The following DPY19L4 variants were observed in gnomAD, a reference collection of about 807,000 sequenced individuals.
DPY19L4 encodes the protein dpy-19 like 4, also known as probable C-mannosyltransferase DPY19L4.
Under a neutral mutation model 102.8 loss-of-function variants are expected in DPY19L4, and 97 were observed. That is an observed-to-expected ratio of 0.94 (90% CI 0.80 to 1.12). The LOEUF is 1.12. Among genes scored for constraint, DPY19L4 ranks in the 50% most tolerant of loss-of-function variants. DPY19L4 has a pLI of 0.00. For synonymous variants in DPY19L4, 252 were observed against 283.1 expected, an observed-to-expected ratio of 0.89 and a Z score of 1.10; for missense variants, 815 against 850.4, an observed-to-expected ratio of 0.96 and a Z score of 0.52.
In DPY19L4 at chr8:94,766,672, C is replaced by A; in HGVS notation, c.1162C>A (p.Leu388Ile). ...GAAATTCCTTGAAGTAAAATTTGGA[C>A]TAAATATGACCAAGTAAGTTTTAGA... ...MLKFLEVKFG[L>I]NMTKNFTMNW... The change falls in exon 11 of 19, where the codon CTA (leucine) becomes ATA (isoleucine). Residue 388 changes from leucine to isoleucine, a missense_variant. Leu to Ile is a conservative substitution (Grantham distance 5). Coordinates refer to ENST00000414645, the MANE Select transcript of DPY19L4 (RefSeq NM_181787.3). 6.2e-7 allele frequency: 1 copy of A among 1,613,302 alleles called. No individual in the cohort carries two copies. The highest frequency in any genetic ancestry group is 8.5e-7 in the Non-Finnish European group (1 of 1,179,554).
chr8:94,743,488 A>AG (rs939202423), intron 6 of DPY19L4, among the ~76,000 whole-genome samples: 9 of 151,816 alleles, frequency 5.9e-5, no homozygotes, highest in African/African-American at 2.2e-4. Flanking sequence ...TTAAAAAAAA[A>AG]AAAAAAATAG....
chr8:94,784,431 A>G (rs13259064), intron 17 of DPY19L4, among the ~76,000 whole-genome samples: 100,201 of 151,658 alleles, frequency 0.66, 33,167 homozygotes, highest in East Asian at 0.79. Flanking sequence ...TTTTTATTGT[A>G]TTTATTTATT....
rs1586422066 is a variant in DPY19L4, at chr8:94,781,144, G to A, written c.1693G>A (p.Val565Met). The A allele has an allele frequency of 1.9e-6, 3 of 1,592,690 alleles. No homozygotes were observed. Among genetic ancestry groups the A allele is most frequent in the Non-Finnish European group, 2.6e-6 (3 of 1,174,330 alleles). Residue 565 changes from valine to methionine, a missense_variant, in exon 16 of 19, where the codon GTG becomes ATG. By Grantham distance (21) the Val-to-Met change is conservative (BLOSUM62 1). Coordinates refer to ENST00000414645, the MANE Select transcript of DPY19L4 (RefSeq NM_181787.3). ...ELQEFYDPDT[V>M]ELMTWIKRQA... is the part of the protein sequence containing the mutation. Reference sequence around the variant, plus strand: ...ACAGGAATTCTATGACCCAGATACAGTGGAACTTATGACCTGGATAAAGTA... The same window carrying A: ...ACAGGAATTCTATGACCCAGATACAATGGAACTTATGACCTGGATAAAGTA...
At chr8:94,723,939 T>C (rs1327929514) in intron 1 of DPY19L4, among the ~76,000 whole-genome samples, 1 of 152,222 alleles carries the variant, frequency 6.6e-6, no homozygotes, top group Non-Finnish European at 1.5e-5. Flanking sequence ...GTATACTTCA[T>C]AAATTACTTG....
chr8:94,790,173 T>A lies in DPY19L4; in HGVS notation c.*263T>A. ...GTTACATGGTCTTTAACACTTTTACTGATTGCAATATTTTCCCCATAAAAT... is the reference window on the plus strand; with the variant it reads ...GTTACATGGTCTTTAACACTTTTACAGATTGCAATATTTTCCCCATAAAAT... On this transcript the variant is annotated 3_prime_UTR_variant, in exon 19 of 19. Transcript: ENST00000414645. 1 of 249,718 alleles carries A rather than the reference T, an allele frequency of 4.0e-6. No homozygotes were observed. The highest frequency in any genetic ancestry group is 7.5e-6 in the Non-Finnish European group (1 of 132,630). 15.5% of individuals were successfully genotyped at this position (249,718 alleles called of 1,614,324 possible).
chr8:94,730,578 T>G (rs944205926), intron 2 of DPY19L4, among the ~76,000 whole-genome samples: 1 of 151,350 alleles, frequency 6.6e-6, no homozygotes, highest in Admixed American at 6.6e-5. Context: ...AAACTCCATC[T>G]GTACTCAAAA....
At chr8:94,744,205 A>G (rs1811569790) in intron 6 of DPY19L4, 2 of 381,220 alleles carry the variant, frequency 5.2e-6, no homozygotes, top group Non-Finnish European at 1.0e-5. Context: ...GTTGGCTTGT[A>G]CTGTGTCGTC....
rs1415585073 is a variant in DPY19L4 at position 94,770,560 on chromosome 8, G to A, written c.1443G>A (p.Met481Ile). The change falls in exon 13 of 19, where the codon ATG becomes ATA. Residue 481 changes from methionine (M) to isoleucine (I), a missense_variant. Coordinates refer to ENST00000414645, the MANE Select transcript of DPY19L4 (RefSeq NM_181787.3). The part of the protein sequence containing the change: ...IHTILLGSLA[M>I]VIEGLKYIWI... ...CTATTTTATTGGGTTCTCTTGCAAT[G>A]GTTATAGAAGGGTAAGTGTACTTTA... The A allele has an allele frequency of 1.2e-6, 2 of 1,612,812 alleles. No homozygotes were observed. The highest frequency in any genetic ancestry group is 1.7e-5 in the Admixed American group (1 of 59,702).
Position 94,770,349 on chromosome 8 carries a change from A to G in DPY19L4, c.1335-103A>G, listed in dbSNP as rs1014387789. 15 of 1,251,338 alleles carry G rather than the reference A, an allele frequency of 1.2e-5. No homozygotes were observed. In the African/African-American group the frequency reaches 2.2e-4, roughly 18 times the overall value. The allele number at this position is 1,251,338 out of a possible 1,614,324, so 77.5% of individuals were successfully genotyped here. A position where few individuals can be genotyped will look rare whatever the true frequency, so the allele number is the denominator to read the frequency against. On this transcript the variant is annotated intron_variant, in intron 12 of 18. Transcript: ENST00000414645. ...CACCTATATTTTTTGTTATGACGAAATATAAAATTTTAGGTATGTCCTTCA... is the reference window on the plus strand; with the variant it reads ...CACCTATATTTTTTGTTATGACGAAGTATAAAATTTTAGGTATGTCCTTCA...
At chr8:94,734,173 C>CT (rs1412505601) in intron 2 of DPY19L4, among the ~76,000 whole-genome samples, 1 of 151,316 alleles carries the variant, frequency 6.6e-6, no homozygotes, top group African/African-American at 2.4e-5. Context: ...ATTCTTGTGC[C>CT]TCAGCCTCCC....
intron 13 of DPY19L4, among the ~76,000 whole-genome samples, chr8:94,774,644 C>A (rs958840786): frequency 6.8e-6 from 1 of 146,296 alleles, no homozygotes; most frequent in African/African-American, 2.5e-5. Context: ...ATGCTGTGAT[C>A]TTGGCTCACC....
At position 94,790,111 on chromosome 8, in the gene DPY19L4, C is replaced by T; in HGVS notation, c.*201C>T. 2.1e-6 allele frequency: 1 copy of T among 466,948 alleles called. No homozygotes were observed. Among genetic ancestry groups the T allele is most frequent in the Non-Finnish European group, 3.7e-6 (1 of 268,658 alleles). The allele number at this position is 466,948 out of a possible 1,614,324, so 28.9% of individuals were successfully genotyped here. A position where few individuals can be genotyped will look rare whatever the true frequency, so the allele number is the denominator to read the frequency against. ...GTCCTTTGATTAAATGTGATATCTA[C>T]CACTCTGCAATATTCCAGACAGGTG... On this transcript the variant is annotated 3_prime_UTR_variant, in exon 19 of 19. Transcript: ENST00000414645.
intron 6 of DPY19L4, chr8:94,744,250 A>G (rs1211312661): frequency 4.8e-6 from 2 of 419,834 alleles, no homozygotes; most frequent in Non-Finnish European, 9.4e-6. Context: ...TCTGCTTCCA[A>G]GCTCACTCAT....
chr8:94,755,784 C>G (rs1291317486), intron 6 of DPY19L4, among the ~76,000 whole-genome samples: 1 of 152,052 alleles, frequency 6.6e-6, no homozygotes, highest in African/African-American at 2.4e-5. Flanking sequence ...ACGCAGGAGG[C>G]TGAGGCAGGA....
At chr8:94,768,055 C>T (rs1006175099) in intron 11 of DPY19L4, among the ~76,000 whole-genome samples, 1 of 152,070 alleles carries the variant, frequency 6.6e-6, no homozygotes, top group Non-Finnish European at 1.5e-5. Context: ...TTCAACAATG[C>T]ATTTGTAGAG....
At chr8:94,761,592 G>T in intron 7 of DPY19L4, 108 bp from the exon 8 acceptor site, 8 of 972,218 alleles carry the variant, frequency 8.2e-6, no homozygotes, top group Non-Finnish European at 9.6e-6. Context: ...TAATTATATA[G>T]CTTAAAGTTG....
chr8:94,765,134 T>TATG, intron 8 of DPY19L4, 49 bp from the exon 9 acceptor site: 1 of 1,250,066 alleles, frequency 8.0e-7, no homozygotes, highest in Non-Finnish European at 1.1e-6. Flanking sequence ...TGAAAATATG[T>TATG]ATGATAAAAT....
At position 94,719,917 on chromosome 8, in the gene DPY19L4, G is replaced by A. The variant is rs978402259; in HGVS notation, c.-82G>A. The stretch of plus-strand genomic sequence containing the variant: ...CGGCGGCCAGGAGCGGGCCCCCGGA[G>A]GCCGAGGGGTTCGGCGACGCGGAGG... On this transcript the variant is annotated 5_prime_UTR_variant, in exon 1 of 19. Transcript: ENST00000414645. 4.2e-6 allele frequency: 6 copies of A among 1,422,840 alleles called. No individual in the cohort carries two copies. The African/African-American group carries it at 7.5e-5, about 18-fold the overall frequency. The allele number at this position is 1,422,840 out of a possible 1,614,324, so 88.1% of individuals were successfully genotyped here.
chr8:94,739,525 T>C lies in DPY19L4; in HGVS notation c.456T>C (p.Thr152=). Residue 152 remains threonine, a synonymous_variant, in exon 5 of 19, where the codon ACT becomes ACC. Coordinates refer to ENST00000414645, the MANE Select transcript of DPY19L4 (RefSeq NM_181787.3). ...TTGCTAGCATTTTATATCAAGCCAC[T>C]GGTAGCAATGTATGTATTTTTCGTT... ...ELIASILYQA[T]GSNEIIEPVY... is the part of the protein sequence containing the mutation. 1 of 1,601,854 alleles carries C rather than the reference T, an allele frequency of 6.2e-7. No individual in the cohort carries two copies. The highest frequency in any genetic ancestry group is 1.1e-5 in the South Asian group (1 of 88,194).
Sources: gnomAD v4.1 joint callset for allele counts (sites outside exome capture counted in the v4.1 genomes callset) on GRCh38, gnomAD v4.1.1 for gene constraint, MANE v1.5 for transcripts, NCBI Gene and HGNC (gene_info 2026-07-23, HGNC 2026-07-21) for gene names.